Variants in GPR39 observed in about 807,000 individuals in gnomAD.
GPR39 encodes G protein-coupled receptor 39, also known as zinc sensing receptor.
GPR39 carries 23 observed loss-of-function variants against 18.4 expected under a neutral mutation model. The observed-to-expected ratio is 1.25, with a 90% confidence interval of 0.90 to 1.77. The LOEUF (loss-of-function observed/expected upper bound fraction) is 1.77, where lower values mean the gene tolerates loss of function less well. Ranked by LOEUF, GPR39 falls within the 40% of genes most tolerant of loss-of-function variation. The pLI is 0.00. For missense variants in GPR39, 647 were observed against 602.4 expected (o/e 1.07, Z -0.78); for synonymous variants, 280 against 257.9 (o/e 1.09, Z -0.82).
intron 1 of GPR39, among the ~76,000 whole-genome samples, chr2:132,463,980 A>T (rs758412997): frequency 9.8e-5 from 15 of 152,306 alleles, no homozygotes; most frequent in Non-Finnish European, 2.2e-4. Context: ...GCATTCCAAG[A>T]TGATGAAGGC....
intron 1 of GPR39, among the ~76,000 whole-genome samples, chr2:132,492,676 A>T (rs958666374): frequency 2.2e-5 from 3 of 138,670 alleles, no homozygotes; most frequent in Admixed American, 1.4e-4. Flanking sequence ...ATATATATAT[A>T]ATATATATAC....
At chr2:132,628,348 G>A (rs1681589289) in intron 1 of GPR39, among the ~76,000 whole-genome samples, 1 of 152,152 alleles carries the variant, frequency 6.6e-6, no homozygotes, top group African/African-American at 2.4e-5. Context: ...CCCAGACTCA[G>A]CTCAGAATGC....
At position 132,498,942 on chromosome 2, in the gene GPR39, CTA is replaced by C. The variant is rs1681699982; in HGVS notation, c.856+81047_856+81048del. On this transcript the variant is annotated intron_variant, in intron 1 of 1. Transcript: ENST00000329321. Reference sequence around the variant, plus strand: ...TTTTTTTCTTACTGATTTGAGTTCTCTATAGATTCTGGATATTAGTCCTTTGT... The same window carrying C: ...TTTTTTTCTTACTGATTTGAGTTCTCTAGATTCTGGATATTAGTCCTTTGT... Among the ~76,000 whole-genome samples, 10 of 152,094 alleles carry C rather than the reference CTA, an allele frequency of 6.6e-5. No individual in the cohort carries two copies. The South Asian group carries it at 2.1e-3, about 32-fold the overall frequency.
chr2:132,618,992 T>G (rs1314473826), intron 1 of GPR39, among the ~76,000 whole-genome samples: 1 of 152,142 alleles, frequency 6.6e-6, no homozygotes, highest in Non-Finnish European at 1.5e-5. Flanking sequence ...TCGGCAGGCC[T>G]GGTAACCCCG....
At chr2:132,565,009 G>A (rs1680323289) in intron 1 of GPR39, among the ~76,000 whole-genome samples, 1 of 151,340 alleles carries the variant, frequency 6.6e-6, no homozygotes, top group African/African-American at 2.4e-5. Flanking sequence ...AGTAGAGATC[G>A]GGTATCACCA....
chr2:132,573,467 C>T (rs1380027561), intron 1 of GPR39, among the ~76,000 whole-genome samples: 4 of 152,002 alleles, frequency 2.6e-5, no homozygotes, highest in African/African-American at 4.8e-5. Flanking sequence ...TGCACAAGGA[C>T]AGAGTGCCAA....
intron 1 of GPR39, among the ~76,000 whole-genome samples, chr2:132,533,993 G>A (rs1679693676): frequency 6.6e-6 from 1 of 152,110 alleles, no homozygotes; most frequent in African/African-American, 2.4e-5. Flanking sequence ...TTGACAGATG[G>A]GATCTAATTA....
intron 1 of GPR39, among the ~76,000 whole-genome samples, chr2:132,610,753 G>T (rs190067904): frequency 2.1e-5 from 3 of 145,454 alleles, no homozygotes; most frequent in Admixed American, 6.9e-5. Context: ...CTCCAGCCTG[G>T]GCAACAGAGC....
chr2:132,524,933 T>G (rs748193819), intron 1 of GPR39, among the ~76,000 whole-genome samples: 38 of 152,256 alleles, frequency 2.5e-4, no homozygotes, highest in Admixed American at 7.2e-4. Context: ...TGCGAATCGC[T>G]TTATACAGCC....
In GPR39 at chr2:132,609,406, A is replaced by G. The variant is rs541055167; in HGVS notation, c.857-35695A>G. Among the ~76,000 whole-genome samples the G allele has an allele frequency of 3.3e-5, 5 of 152,320 alleles. No individual in the cohort carries two copies. In the East Asian group the frequency reaches 9.6e-4, roughly 29 times the overall value. On this transcript the variant is annotated intron_variant, in intron 1 of 1. Coordinates refer to ENST00000329321, the MANE Select transcript of GPR39 (RefSeq NM_001508.3). ...CCTGGAGAATGGTGGTATTACCCCA[A>G]TCATTAAAGATGAGAAAACGGAGAG... is the stretch of plus-strand genomic sequence containing the variant.
At chr2:132,477,210 C>T (rs2104787170) in intron 1 of GPR39, among the ~76,000 whole-genome samples, 1 of 152,268 alleles carries the variant, frequency 6.6e-6, no homozygotes, top group East Asian at 1.9e-4. Flanking sequence ...TGCTATTTAT[C>T]AGATTTCTCA....
intron 1 of GPR39, among the ~76,000 whole-genome samples, chr2:132,432,680 G>T (rs967584912): frequency 6.6e-6 from 1 of 152,080 alleles, no homozygotes; most frequent in Non-Finnish European, 1.5e-5. Context: ...GGGAGCAAAG[G>T]GATACCAGAA....
chr2:132,481,691 C>G (rs993766626), intron 1 of GPR39, among the ~76,000 whole-genome samples: 2 of 152,162 alleles, frequency 1.3e-5, no homozygotes, highest in African/African-American at 4.8e-5. Context: ...CTTTGGAGAA[C>G]AGGTTACATT....
chr2:132,645,803 T>TG lies in GPR39; in HGVS notation c.*202dup, dbSNP rs1268548245. 1 of 764,648 alleles carries TG rather than the reference T, an allele frequency of 1.3e-6. No individual in the cohort carries two copies. Among genetic ancestry groups the TG allele is most frequent in the Non-Finnish European group, 2.0e-6 (1 of 489,272 alleles). 47.4% of individuals were successfully genotyped at this position (764,648 alleles called of 1,614,324 possible). On this transcript the variant is annotated 3_prime_UTR_variant, in exon 2 of 2. Coordinates refer to ENST00000329321, the MANE Select transcript of GPR39 (RefSeq NM_001508.3). ...GGCCTTGACTCCGGTTACACAGACA[T>TG]GGGGGTGAACTTTCACTCCACCTCC... is the stretch of plus-strand genomic sequence containing the variant.
At chr2:132,635,742 C>T (rs1681741709) in intron 1 of GPR39, among the ~76,000 whole-genome samples, 1 of 152,092 alleles carries the variant, frequency 6.6e-6, no homozygotes. Context: ...AGCCCTAACC[C>T]CAAATCTGAC....
At chr2:132,588,107 G>A (rs1408510426) in intron 1 of GPR39, among the ~76,000 whole-genome samples, 2 of 152,100 alleles carry the variant, frequency 1.3e-5, no homozygotes, top group Non-Finnish European at 2.9e-5. Context: ...GGTGAGAGGA[G>A]GTGGAAAAGA....
chr2:132,554,282 T>C (rs967804805), intron 1 of GPR39, among the ~76,000 whole-genome samples: 1 of 152,188 alleles, frequency 6.6e-6, no homozygotes, highest in African/African-American at 2.4e-5. Flanking sequence ...GGTATGATGT[T>C]AGGCAAGCTG....
intron 1 of GPR39, among the ~76,000 whole-genome samples, chr2:132,570,370 C>T (rs955163380): frequency 1.3e-5 from 2 of 152,098 alleles, no homozygotes; most frequent in Non-Finnish European, 2.9e-5. Flanking sequence ...TCCAGCCGCA[C>T]TTCCTCACTT....
At chr2:132,418,022 G>C in intron 1 of GPR39, 124 bp downstream of exon 1, 1 of 1,224,260 alleles carries the variant, frequency 8.2e-7, no homozygotes, top group Non-Finnish European at 1.1e-6. Flanking sequence ...AGTTTACTAA[G>C]GTGGAAGAGT....
Sources: gnomAD v4.1 joint callset for allele counts (sites outside exome capture counted in the v4.1 genomes callset) on GRCh38, gnomAD v4.1.1 for gene constraint, MANE v1.5 for transcripts, NCBI Gene and HGNC (gene_info 2026-07-23, HGNC 2026-07-21) for gene names.